KCNH8: variants seen among roughly 807,000 people sequenced by gnomAD.
The protein encoded by KCNH8 is potassium voltage-gated channel subfamily H member 8.
In KCNH8, 70 loss-of-function variants were observed where a neutral mutation model predicts 103.6. The ratio of observed to expected loss-of-function variants is 0.68; its 90% CI spans 0.56 to 0.82. KCNH8 has a LOEUF of 0.82. Ranked by LOEUF, KCNH8 falls within the 40% of genes least tolerant of loss-of-function variation. KCNH8 has a pLI of 0.00. For synonymous variants in KCNH8, 498 were observed against 489.4 expected, an observed-to-expected ratio of 1.02 and a Z score of -0.23; for missense variants, 1,217 against 1,329.9, an observed-to-expected ratio of 0.92 and a Z score of 1.32.
At chr3:19,529,804 A>G (rs2069129414) in intron 15 of KCNH8, among the ~76,000 whole-genome samples, 2 of 152,172 alleles carry the variant, frequency 1.3e-5, no homozygotes, top group Non-Finnish European at 2.9e-5. Context: ...TGCAACTTTA[A>G]TAAGGTTCAG....
At chr3:19,230,640 C>T (rs1275455579) in intron 1 of KCNH8, among the ~76,000 whole-genome samples, 2 of 152,130 alleles carry the variant, frequency 1.3e-5, no homozygotes, top group Non-Finnish European at 2.9e-5. Flanking sequence ...GTATTTTTTA[C>T]ATTAAAACAA....
intron 14 of KCNH8, among the ~76,000 whole-genome samples, chr3:19,516,067 T>A (rs910706678): frequency 3.3e-5 from 5 of 152,018 alleles, no homozygotes; most frequent in Admixed American, 6.6e-5. Flanking sequence ...AAGACACACC[T>A]GTATTTGATA....
At position 19,451,253 on chromosome 3, in the gene KCNH8, C is replaced by A; in HGVS notation, c.1674C>A (p.Gly558=). ...QLSLFECASR[G]CLRSLSLHIK... is the part of the protein sequence containing the mutation. ...CCCTTTTTGAATGTGCCAGCCGGGG[C>A]TGCCTCAGGTCTCTGTCTCTACACA... Residue 558 remains glycine (G), a synonymous_variant, in exon 10 of 16, where the codon GGC becomes GGA. Transcript: ENST00000328405. The A allele has an allele frequency of 1.2e-6, 2 of 1,613,950 alleles. No individual in the cohort carries two copies. Among genetic ancestry groups the A allele is most frequent in the Non-Finnish European group, 8.5e-7 (1 of 1,179,890 alleles).
intron 3 of KCNH8, among the ~76,000 whole-genome samples, chr3:19,295,383 C>CAAATAAATAAATAAATAAATAAATAAAT (rs554786703): frequency 1.4e-5 from 2 of 145,302 alleles, no homozygotes; most frequent in African/African-American, 5.1e-5. Flanking sequence ...GACCCTGTCT[C>CAAATAAATAAATAAATAAATAAATAAAT]AAATAAATAA....
Position 19,232,032 on chromosome 3 carries a change from A to G in KCNH8, c.77-21622A>G, listed in dbSNP as rs543528478. 9.2e-5 allele frequency among the ~76,000 whole-genome samples: 14 copies of G among 152,290 alleles called. No individual in the cohort carries two copies. In the South Asian group the frequency reaches 1.7e-3, roughly 18 times the overall value. On this transcript the variant is annotated intron_variant, in intron 1 of 15. Coordinates refer to ENST00000328405, the MANE Select transcript of KCNH8 (RefSeq NM_144633.3). ...GTCACTATGCTGAATTGCTTTCACA[A>G]TCTTTGAATTATGCATTTGAAATGT...
chr3:19,353,312 G>A (rs1669578136), intron 5 of KCNH8, among the ~76,000 whole-genome samples: 1 of 152,134 alleles, frequency 6.6e-6, no homozygotes, highest in African/African-American at 2.4e-5. Context: ...GTACAAAGAG[G>A]AGCTGGTACC....
chr3:19,239,678 C>CTATCTATCTATCTATCTATG lies in KCNH8; in HGVS notation c.77-13970_77-13969insTCTATCTATCTATGTATCTA, dbSNP rs1331290383. ...TCTATCTATCTATCTATCTATCTAT[C>CTATCTATCTATCTATCTATG]TATCTACCTACCTACCTATCTATCT... On this transcript the variant is annotated intron_variant, in intron 1 of 15. Coordinates refer to ENST00000328405, the MANE Select transcript of KCNH8 (RefSeq NM_144633.3). Among the ~76,000 whole-genome samples the CTATCTATCTATCTATCTATG allele has an allele frequency of 8.6e-4, 131 of 151,716 alleles. 3 individuals carry two copies. The highest frequency in any genetic ancestry group is 3.5e-3 in the Admixed American group (53 of 15,232).
chr3:19,227,064 G>C (rs75948126), intron 1 of KCNH8, among the ~76,000 whole-genome samples: 21 of 152,176 alleles, frequency 1.4e-4, no homozygotes, highest in East Asian at 1.4e-3. Context: ...GCAATCACTG[G>C]AATTTATTGT....
At chr3:19,474,170 C>A (rs1313877695) in intron 11 of KCNH8, among the ~76,000 whole-genome samples, 1 of 152,118 alleles carries the variant, frequency 6.6e-6, no homozygotes. Context: ...AAACTGTCTA[C>A]ATGAGCTAAG....
chr3:19,156,184 A>ACATGCATG (rs1371263437), intron 1 of KCNH8, among the ~76,000 whole-genome samples: 1 of 152,152 alleles, frequency 6.6e-6, no homozygotes, highest in Non-Finnish European at 1.5e-5. Context: ...GGGCATGTCT[A>ACATGCATG]CATGCATGCT....
intron 3 of KCNH8, among the ~76,000 whole-genome samples, chr3:19,297,419 AGTTT>A (rs2065010648): frequency 1.3e-5 from 2 of 152,222 alleles, no homozygotes; most frequent in African/African-American, 2.4e-5. Flanking sequence ...GTTATTTAAC[AGTTT>A]GTTTACATAA....
At chr3:19,388,182 T>C (rs530709244) in intron 5 of KCNH8, among the ~76,000 whole-genome samples, 5 of 152,302 alleles carry the variant, frequency 3.3e-5, no homozygotes, top group African/African-American at 9.6e-5. Context: ...AAAGAACTTA[T>C]GGGCTTACCT....
chr3:19,224,843 A>G (rs1389538), intron 1 of KCNH8, among the ~76,000 whole-genome samples: 9,020 of 152,278 alleles, frequency 0.059, 377 homozygotes, highest in East Asian at 0.12. Flanking sequence ...CTGTACAAAC[A>G]GATGACACCT....
At chr3:19,425,723 G>A (rs1235316420) in intron 7 of KCNH8, among the ~76,000 whole-genome samples, 13 of 152,078 alleles carry the variant, frequency 8.5e-5, no homozygotes, top group Admixed American at 8.5e-4. Context: ...AAAACAAAAC[G>A]AACGAAGAAA....
intron 1 of KCNH8, among the ~76,000 whole-genome samples, chr3:19,152,001 G>C (rs926271731): frequency 6.6e-6 from 1 of 151,928 alleles, no homozygotes; most frequent in African/African-American, 2.4e-5. Context: ...GGGGGAAAAA[G>C]AAAAAGTAAT....
intron 7 of KCNH8, among the ~76,000 whole-genome samples, chr3:19,414,314 A>C (rs903351067): frequency 6.6e-6 from 1 of 152,140 alleles, no homozygotes; most frequent in Non-Finnish European, 1.5e-5. Context: ...AAATATAGTT[A>C]TAATGGGATT....
chr3:19,205,346 G>A (rs2063704094), intron 1 of KCNH8, among the ~76,000 whole-genome samples: 1 of 152,018 alleles, frequency 6.6e-6, no homozygotes, highest in South Asian at 2.1e-4. Context: ...TGGGCAAGAT[G>A]AGTTCTTTTC....
At chr3:19,518,622 T>G (rs2068916474) in intron 15 of KCNH8, among the ~76,000 whole-genome samples, 1 of 152,028 alleles carries the variant, frequency 6.6e-6, no homozygotes, top group African/African-American at 2.4e-5. Context: ...AATTTGTCCA[T>G]TTCACCAATA....
At chr3:19,258,538 G>A (rs748917837) in intron 2 of KCNH8, among the ~76,000 whole-genome samples, 1 of 151,940 alleles carries the variant, frequency 6.6e-6, no homozygotes, top group Non-Finnish European at 1.5e-5. Context: ...GACTTTCCAG[G>A]AGGTGAAACA....
Sources: allele counts gnomAD v4.1 joint callset (sites outside exome capture counted in the v4.1 genomes callset), GRCh38; gene constraint gnomAD v4.1.1; transcripts MANE v1.5; gene names NCBI Gene and HGNC (gene_info 2026-07-23, HGNC 2026-07-21).